Variants in ZNF827 observed in about 807,000 individuals in gnomAD.
The protein encoded by ZNF827 is zinc finger protein 827.
Under a neutral mutation model 102.4 loss-of-function variants are expected in ZNF827, and 13 were observed. The ratio of observed to expected loss-of-function variants is 0.13; its 90% CI spans 0.08 to 0.20. The LOEUF (loss-of-function observed/expected upper bound fraction) is 0.20. ZNF827 is among the 10% of genes least tolerant of loss of function. ZNF827 has a pLI of 1.00. For synonymous variants in ZNF827, 523 were observed against 536.2 expected (o/e 0.98, Z 0.34); for missense variants, 1,103 against 1,344.4 (o/e 0.82, Z 2.81).
At position 145,823,531 on chromosome 4, in the gene ZNF827, G is replaced by T; in HGVS notation, c.2280-6C>A. ...TGTCTTCTGAAAAGAAAGGGCTGGG[G>T]TGGGGGAGGGGGAGTGAAGTTTAGT... On this transcript the variant is annotated splice_polypyrimidine_tract_variant and splice_region_variant and intron_variant, in intron 7 of 14. Coordinates refer to ENST00000508784, the MANE Select transcript of ZNF827 (RefSeq NM_001306215.2). The T allele has an allele frequency of 1.3e-6, 2 of 1,590,332 alleles. No individual in the cohort carries two copies. The highest frequency in any genetic ancestry group is 1.1e-5 in the South Asian group (1 of 90,530).
At chr4:145,790,424 G>A (rs1739507117) in intron 8 of ZNF827, among the ~76,000 whole-genome samples, 1 of 152,112 alleles carries the variant, frequency 6.6e-6, no homozygotes, top group Non-Finnish European at 1.5e-5. Context: ...TCTGAGTTTA[G>A]AAAGTAAATC....
chr4:145,926,519 A>G (rs1753436248), intron 1 of ZNF827, among the ~76,000 whole-genome samples: 1 of 152,310 alleles, frequency 6.6e-6, no homozygotes, highest in African/African-American at 2.4e-5. Context: ...TCTGAATTCC[A>G]TACTTAAATT....
intron 1 of ZNF827, among the ~76,000 whole-genome samples, chr4:145,937,033 G>A (rs1261885995): frequency 6.6e-6 from 1 of 151,880 alleles, no homozygotes; most frequent in African/African-American, 2.4e-5. Context: ...CCTCTTCCCT[G>A]CATTCAAGGA....
At chr4:145,872,861 C>T (rs13130894) in intron 4 of ZNF827, among the ~76,000 whole-genome samples, 18 of 150,010 alleles carry the variant, frequency 1.2e-4, no homozygotes, top group South Asian at 8.5e-4. Context: ...GGTGACGGAG[C>T]GAGATTCTGT....
intron 4 of ZNF827, among the ~76,000 whole-genome samples, chr4:145,884,132 G>C (rs1579470423): frequency 6.6e-6 from 1 of 151,984 alleles, no homozygotes; most frequent in South Asian, 2.1e-4. Flanking sequence ...TCCAGCATAG[G>C]GCCCCCTCAC....
Position 145,772,606 on chromosome 4 carries a change from G to T in ZNF827, c.2860+1900C>A, listed in dbSNP as rs187430072. ...ACTTTCAAGTTTCAACAGCCGAGTT[G>T]AGTAGTAGTGACAGAAACTGTATGA... On this transcript the variant is annotated intron_variant, in intron 11 of 14. Coordinates refer to ENST00000508784, the MANE Select transcript of ZNF827 (RefSeq NM_001306215.2). Among the ~76,000 whole-genome samples, 7 of 152,292 alleles carry T rather than the reference G, an allele frequency of 4.6e-5. No individual in the cohort carries two copies. In the East Asian group the frequency reaches 1.4e-3, roughly 29 times the overall value.
rs1015753717 is a variant in ZNF827, at chr4:145,800,003, T to A, written c.2384-20492A>T. Reference sequence around the variant, plus strand: ...TATTTAAGCCATTGCTATTTTGGCCTTTTTTTTACAGCCATCAAAATTTTA... The same window carrying A: ...TATTTAAGCCATTGCTATTTTGGCCATTTTTTTACAGCCATCAAAATTTTA... On this transcript the variant is annotated intron_variant, in intron 8 of 14. Transcript: ENST00000508784. 5.5e-5 allele frequency among the ~76,000 whole-genome samples: 7 copies of A among 127,092 alleles called. No individual in the cohort carries two copies. The South Asian group carries it at 1.7e-3, about 30-fold the overall frequency. 83.4% of individuals were successfully genotyped at this position (127,092 alleles called of 152,430 possible).
chr4:145,907,887 A>G (rs1301613768), intron 1 of ZNF827, among the ~76,000 whole-genome samples: 3 of 152,348 alleles, frequency 2.0e-5, no homozygotes, highest in Non-Finnish European at 4.4e-5. Flanking sequence ...TTACAGAATG[A>G]AAATATGCTG....
intron 3 of ZNF827, among the ~76,000 whole-genome samples, chr4:145,888,501 C>T (rs1750316597): frequency 6.6e-6 from 1 of 152,176 alleles, no homozygotes; most frequent in Non-Finnish European, 1.5e-5. Context: ...CATCTCTTCA[C>T]CATTGGGGCC....
chr4:145,848,619 CAT>C (rs1307563924), intron 6 of ZNF827, among the ~76,000 whole-genome samples: 1 of 151,760 alleles, frequency 6.6e-6, no homozygotes, highest in Non-Finnish European at 1.5e-5. Context: ...CAACCTCAAT[CAT>C]GTGCAAAAAA....
intron 9 of ZNF827, among the ~76,000 whole-genome samples, chr4:145,776,470 A>G (rs367628659): frequency 1.3e-5 from 1 of 74,908 alleles, no homozygotes; most frequent in African/African-American, 6.0e-5. Flanking sequence ...CAAAAAAAAG[A>G]AAAAAAAAAA....
chr4:145,936,056 G>A (rs1392927129), intron 1 of ZNF827, among the ~76,000 whole-genome samples: 6 of 151,962 alleles, frequency 3.9e-5, no homozygotes, highest in Non-Finnish European at 7.4e-5. Context: ...TCGCACACAA[G>A]CTCATCAGCT....
chr4:145,856,710 C>T (rs990640861), intron 5 of ZNF827, among the ~76,000 whole-genome samples: 13 of 151,050 alleles, frequency 8.6e-5, no homozygotes, highest in Non-Finnish European at 1.9e-4. Flanking sequence ...CACACACACA[C>T]ACACACACAC....
intron 4 of ZNF827, among the ~76,000 whole-genome samples, chr4:145,871,771 C>A (rs1324250099): frequency 1.6e-4 from 24 of 152,162 alleles, no homozygotes; most frequent in Admixed American, 1.3e-3. Context: ...CCATCTCATA[C>A]CCCTGTAAGA....
intron 1 of ZNF827, among the ~76,000 whole-genome samples, chr4:145,910,317 T>C (rs1207744301): frequency 6.6e-6 from 1 of 152,124 alleles, no homozygotes; most frequent in Non-Finnish European, 1.5e-5. Context: ...TCATATAAAG[T>C]GCTTAGCCAG....
chr4:145,823,671 T>C, intron 7 of ZNF827, 146 bp from the exon 8 acceptor site: 1 of 616,200 alleles, frequency 1.6e-6, no homozygotes, highest in East Asian at 2.8e-5. Flanking sequence ...AAGATTGTGC[T>C]TAAAATGGAG....
Position 145,762,203 on chromosome 4 carries a change from A to G in ZNF827, c.*18-605T>C, listed in dbSNP as rs1216776965. On this transcript the variant is annotated intron_variant, in intron 14 of 14. Coordinates refer to ENST00000508784, the MANE Select transcript of ZNF827 (RefSeq NM_001306215.2). The surrounding 1 kb of genome is among the most constrained non-coding windows in gnomAD (Gnocchi z 4.9). ...TCTCTGTGTGAGTGTGTGCATGTGT[A>G]CATATCTATGTACTCGTAAAACATA... Among the ~76,000 whole-genome samples, 2 of 152,124 alleles carry G rather than the reference A, an allele frequency of 1.3e-5. No homozygotes were observed. Among genetic ancestry groups the G allele is most frequent in the Non-Finnish European group, 2.9e-5 (2 of 68,014 alleles).
intron 2 of ZNF827, among the ~76,000 whole-genome samples, chr4:145,900,243 T>C (rs899375871): frequency 1.3e-5 from 2 of 152,120 alleles, no homozygotes; most frequent in Non-Finnish European, 2.9e-5. Flanking sequence ...GGAAACATGG[T>C]TTTATCAGTC....
intron 1 of ZNF827, chr4:145,907,090 T>C (rs181544802): frequency 1.8e-5 from 8 of 456,758 alleles, no homozygotes; most frequent in Admixed American, 1.2e-4. Context: ...AGAGGAGCTT[T>C]GGGAGAAATG....
Sources: gnomAD v4.1 joint callset for allele counts (sites outside exome capture counted in the v4.1 genomes callset) on GRCh38, gnomAD v4.1.1 for gene constraint, Gnocchi (gnomAD v3.1) non-coding constraint, MANE v1.5 for transcripts, NCBI Gene and HGNC (gene_info 2026-07-23, HGNC 2026-07-21) for gene names.